The following GIMAP8 variants were observed in gnomAD, a reference collection of about 807,000 sequenced individuals.
GIMAP8 encodes the protein GTPase, IMAP family member 8.
A neutral mutation model predicts 35.6 loss-of-function variants in GIMAP8; 29 were observed. That is an observed-to-expected ratio of 0.81 (90% CI 0.61 to 1.11). GIMAP8 has a LOEUF of 1.11. Among genes scored for constraint, GIMAP8 ranks in the 50% most tolerant of loss-of-function variants. The probability of loss-of-function intolerance (pLI) is 0.00; values close to 1 mark genes in which losing one functional copy is unlikely to be tolerated. For missense variants in GIMAP8, 811 were observed against 805.0 expected (o/e 1.01, Z -0.09); for synonymous variants, 335 against 308.7 (o/e 1.09, Z -0.89).
chr7:150,473,574 C>T (rs1263293206), intron 3 of GIMAP8, among the ~76,000 whole-genome samples: 1 of 149,610 alleles, frequency 6.7e-6, no homozygotes, highest in Non-Finnish European at 1.5e-5. Flanking sequence ...TACTGCATAT[C>T]GCTAGTTCAC....
intron 4 of GIMAP8, among the ~76,000 whole-genome samples, chr7:150,475,898 G>A (rs184701644): frequency 6.6e-6 from 1 of 152,102 alleles, no homozygotes; most frequent in Admixed American, 6.5e-5. Context: ...CTTGTTAGGG[G>A]ACAAAAAAGA....
chr7:150,454,569 C>T (rs1346430338), intron 1 of GIMAP8, among the ~76,000 whole-genome samples: 1 of 152,068 alleles, frequency 6.6e-6, no homozygotes, highest in Non-Finnish European at 1.5e-5. Flanking sequence ...GAAGCTGTAG[C>T]TAAGGTGTCA....
In GIMAP8 at chr7:150,467,179, T is replaced by G. The variant is rs1327781920; in HGVS notation, c.481T>G (p.Tyr161Asp). ...NKPLKQLVQD[Y>D]EGRYCIFNNK... ...ACCTCTCAAGCAGTTGGTTCAAGACTATGAGGGCCGATACTGCATTTTCAA... is the reference window on the plus strand; with the variant it reads ...ACCTCTCAAGCAGTTGGTTCAAGACGATGAGGGCCGATACTGCATTTTCAA... Residue 161 changes from tyrosine to aspartate, a missense_variant, in exon 2 of 5, where the codon TAT (tyrosine) becomes GAT (aspartate). Transcript: ENST00000307271. 1 of 1,614,048 alleles carries G rather than the reference T, an allele frequency of 6.2e-7. No individual in the cohort carries two copies. Among genetic ancestry groups the G allele is most frequent in the African/African-American group, 1.3e-5 (1 of 74,908 alleles).
In GIMAP8 at chr7:150,472,700, A is replaced by G. The variant is rs988418474; in HGVS notation, c.683-1312A>G. ...GAAATACACATGGCAGCTGATTTGTATAGTTTTGCGGTGAGCAATTTAGGT... is the reference window on the plus strand; with the variant it reads ...GAAATACACATGGCAGCTGATTTGTGTAGTTTTGCGGTGAGCAATTTAGGT... On this transcript the variant is annotated intron_variant, in intron 3 of 4. Coordinates refer to ENST00000307271, the MANE Select transcript of GIMAP8 (RefSeq NM_175571.4). The surrounding 1 kb of genome is among the most constrained non-coding windows in gnomAD (Gnocchi z 4.1). 1.3e-5 allele frequency among the ~76,000 whole-genome samples: 2 copies of G among 152,226 alleles called. No homozygotes were observed. Among genetic ancestry groups the G allele is most frequent in the Non-Finnish European group, 2.9e-5 (2 of 68,034 alleles).
rs1196732231 is a variant in GIMAP8 at position 150,477,729 on chromosome 7, A to T, written c.1947A>T (p.Glu649Asp). 1 of 1,613,918 alleles carries T rather than the reference A, an allele frequency of 6.2e-7. No homozygotes were observed. The highest frequency in any genetic ancestry group is 1.3e-5 in the African/African-American group (1 of 74,868). Residue 649 changes from glutamate to aspartate, a missense_variant, in exon 5 of 5, where the codon GAA becomes GAT. Coordinates refer to ENST00000307271, the MANE Select transcript of GIMAP8 (RefSeq NM_175571.4). Reference protein sequence around the residue: ...NVSKLIKNVQEMSQAEKLLKN... With the variant: ...NVSKLIKNVQDMSQAEKLLKN... ...GCAAACTAATTAAAAATGTCCAGGAAATGTCCCAAGCCGAAAAACTCCTTA... is the reference window on the plus strand; with the variant it reads ...GCAAACTAATTAAAAATGTCCAGGATATGTCCCAAGCCGAAAAACTCCTTA...
chr7:150,452,687 T>G (rs1006473231), intron 1 of GIMAP8, among the ~76,000 whole-genome samples: 20 of 102,176 alleles, frequency 2.0e-4, no homozygotes, highest in Admixed American at 4.5e-4. Flanking sequence ...TATATATATA[T>G]ATATATATAT....
At chr7:150,470,257 T>C (rs940705614) in intron 2 of GIMAP8, among the ~76,000 whole-genome samples, 1 of 152,124 alleles carries the variant, frequency 6.6e-6, no homozygotes, top group Admixed American at 6.5e-5. Flanking sequence ...AGAGGGAAGA[T>C]TTCCTTGGCT....
intron 1 of GIMAP8, among the ~76,000 whole-genome samples, chr7:150,460,438 G>A (rs1376735665): frequency 6.6e-6 from 1 of 152,068 alleles, no homozygotes; most frequent in Non-Finnish European, 1.5e-5. Flanking sequence ...CCAAACCATT[G>A]GCCACAGCCT....
rs2116613608 is a variant in GIMAP8, at chr7:150,472,763, T to A, written c.683-1249T>A. ...AAGAAGTTATATTTGCATAGGAACCTGAGTAGCCAGCAGGAGATAGGGCAG... is the reference window on the plus strand; with the variant it reads ...AAGAAGTTATATTTGCATAGGAACCAGAGTAGCCAGCAGGAGATAGGGCAG... On this transcript the variant is annotated intron_variant, in intron 3 of 4. Coordinates refer to ENST00000307271, the MANE Select transcript of GIMAP8 (RefSeq NM_175571.4). The surrounding 1 kb of genome is among the most constrained non-coding windows in gnomAD (Gnocchi z 4.1). 6.6e-6 allele frequency among the ~76,000 whole-genome samples: 1 copy of A among 152,284 alleles called. No homozygotes were observed. The highest frequency in any genetic ancestry group is 2.4e-5 in the African/African-American group (1 of 41,562).
At chr7:150,455,570 A>G (rs1801714327) in intron 1 of GIMAP8, among the ~76,000 whole-genome samples, 1 of 152,232 alleles carries the variant, frequency 6.6e-6, no homozygotes, top group Non-Finnish European at 1.5e-5. Flanking sequence ...ATCATGGACT[A>G]TTTAGTAAAT....
At chr7:150,471,701 G>A (rs1161026728) in intron 3 of GIMAP8, among the ~76,000 whole-genome samples, 1 of 152,182 alleles carries the variant, frequency 6.6e-6, no homozygotes, top group East Asian at 1.9e-4. Flanking sequence ...GCCAGGCATG[G>A]TAGTGCGTGC....
chr7:150,452,786 T>A (rs1232014453), intron 1 of GIMAP8, among the ~76,000 whole-genome samples: 2 of 148,458 alleles, frequency 1.3e-5, no homozygotes, highest in African/African-American at 2.5e-5. Context: ...GGGGATTTCA[T>A]CATGTTGACC....
intron 1 of GIMAP8, among the ~76,000 whole-genome samples, chr7:150,464,726 A>T (rs539141013): frequency 2.2e-4 from 34 of 152,350 alleles, no homozygotes; most frequent in African/African-American, 7.9e-4. Flanking sequence ...ATATTTTAAC[A>T]ATTTATGTTA....
At position 150,477,506 on chromosome 7, in the gene GIMAP8, T is replaced by C. The variant is rs746706037; in HGVS notation, c.1724T>C (p.Leu575Ser). 3.1e-6 allele frequency: 5 copies of C among 1,614,128 alleles called. No homozygotes were observed. The South Asian group carries it at 4.4e-5, about 14-fold the overall frequency. ...TRKEDLGAGN[L>S]EDFMKNSDNK... ...AAGGAAGACCTAGGGGCGGGGAATT[T>C]GGAAGACTTCATGAAGAACTCAGAT... Residue 575 changes from leucine to serine, a missense_variant, in exon 5 of 5, where the codon TTG (leucine) becomes TCG (serine). Transcript: ENST00000307271.
chr7:150,452,651 ATATG>A (rs1801635960), intron 1 of GIMAP8, among the ~76,000 whole-genome samples: 1 of 127,300 alleles, frequency 7.9e-6, no homozygotes. Context: ...ATATGTGTGT[ATATG>A]TGTGTGTGTG....
chr7:150,462,392 G>T (rs1801861061), intron 1 of GIMAP8, among the ~76,000 whole-genome samples: 1 of 152,088 alleles, frequency 6.6e-6, no homozygotes, highest in Non-Finnish European at 1.5e-5. Context: ...AATAACATTT[G>T]ATTCCTTTCT....
intron 1 of GIMAP8, 85 bp from the exon 2 acceptor site, chr7:150,466,586 C>G: frequency 8.1e-7 from 1 of 1,240,790 alleles, no homozygotes; most frequent in Non-Finnish European, 1.1e-6. Context: ...CAATTTGAGT[C>G]AAAAAGAGAA....
chr7:150,477,805 T>G lies in GIMAP8; in HGVS notation c.*25T>G, dbSNP rs1418593001. 1 of 1,558,550 alleles carries G rather than the reference T, an allele frequency of 6.4e-7. No individual in the cohort carries two copies. The highest frequency in any genetic ancestry group is 8.8e-7 in the Non-Finnish European group (1 of 1,138,842). On this transcript the variant is annotated 3_prime_UTR_variant, in exon 5 of 5. Transcript: ENST00000307271. ...GGTAGCCGAAGTGCCTGGGGTCTCT[T>G]CAATTAGAGACACCCTCAGGTTGGG... is the stretch of plus-strand genomic sequence containing the variant.
chr7:150,452,423 CTG>C (rs1430776129), intron 1 of GIMAP8, among the ~76,000 whole-genome samples: 1 of 151,720 alleles, frequency 6.6e-6, no homozygotes, highest in Non-Finnish European at 1.5e-5. Context: ...CCATGCAAGG[CTG>C]TGTCGCTTAA....
Sources: gnomAD v4.1 joint callset for allele counts (sites outside exome capture counted in the v4.1 genomes callset) on GRCh38, gnomAD v4.1.1 for gene constraint, Gnocchi (gnomAD v3.1) non-coding constraint, MANE v1.5 for transcripts, NCBI Gene and HGNC (gene_info 2026-07-23, HGNC 2026-07-21) for gene names.